Variants in NF1 observed in about 807,000 individuals in gnomAD.
NF1 encodes the protein neurofibromin 1, also known as neurofibromin.
Under a neutral mutation model 325.7 loss-of-function variants are expected in NF1, and 122 were observed. The observed-to-expected ratio is 0.37, with a 90% confidence interval of 0.32 to 0.44. The LOEUF (loss-of-function observed/expected upper bound fraction) is 0.44, where lower values mean the gene tolerates loss of function less well. Among genes scored for constraint, NF1 ranks in the 20% least tolerant of loss-of-function variants. NF1 has a pLI of 1.00. For missense variants in NF1, 2,140 were observed against 3,415.4 expected (o/e 0.63, Z 9.31); for synonymous variants, 1,091 against 1,186.0 (o/e 0.92, Z 1.65).
Position 31,210,148 on chromosome 17 carries a change from G to C in NF1, c.1392+3777G>C, listed in dbSNP as rs567601647. On this transcript the variant is annotated intron_variant, in intron 12 of 57. Coordinates refer to ENST00000358273, the MANE Select transcript of NF1 (RefSeq NM_001042492.3). ...GTTGTCCTTCTTCACTAGCAAGTTA[G>C]CTTGATGAAAGCAGTAGCTTTGTCT... Among the ~76,000 whole-genome samples the C allele has an allele frequency of 1.0e-3, 156 of 152,334 alleles. 3 individuals are homozygous for C. The South Asian group carries it at 0.03, about 29-fold the overall frequency.
At chr17:31,252,663 C>G in intron 30 of NF1, 1 of 410,492 alleles carries the variant, frequency 2.4e-6, no homozygotes, top group South Asian at 4.5e-5. Flanking sequence ...TCCTCAAATT[C>G]ACTTGGAGAG....
At chr17:31,258,630 T>C in intron 32 of NF1, 128 bp downstream of exon 32, 1 of 1,001,996 alleles carries the variant, frequency 1.0e-6, no homozygotes, top group Non-Finnish European at 1.5e-6. Context: ...TGCTTTTGTT[T>C]TATTTGTTTA....
rs2151601926 is a variant in NF1, at chr17:31,374,237, C to A, written c.*82C>A. 1 of 1,577,304 alleles carries A rather than the reference C, an allele frequency of 6.3e-7. No homozygotes were observed. The highest frequency in any genetic ancestry group is 8.7e-7 in the Non-Finnish European group (1 of 1,148,840). ...CCTTCCCTGTCCTTGCCCTTTCCCCCCATGTTGTAATGCTGCACTTCCTGT... is the reference window on the plus strand; with the variant it reads ...CCTTCCCTGTCCTTGCCCTTTCCCCACATGTTGTAATGCTGCACTTCCTGT... On this transcript the variant is annotated 3_prime_UTR_variant, in exon 58 of 58. Transcript: ENST00000358273.
chr17:31,316,062 G>T (rs1597815416), intron 36 of NF1, among the ~76,000 whole-genome samples: 1 of 152,042 alleles, frequency 6.6e-6, no homozygotes, highest in East Asian at 1.9e-4. Context: ...ATGCTCGCTG[G>T]CTGGCTTATT....
intron 1 of NF1, among the ~76,000 whole-genome samples, chr17:31,105,926 A>G (rs1267524324): frequency 6.6e-6 from 1 of 152,204 alleles, no homozygotes. Context: ...TAATTTAGTA[A>G]ATAGCAGGAC....
chr17:31,157,739 C>A (rs1272179500), intron 2 of NF1, among the ~76,000 whole-genome samples: 2 of 148,934 alleles, frequency 1.3e-5, no homozygotes, highest in Non-Finnish European at 3.0e-5. Flanking sequence ...ACGGGCGGAT[C>A]ACGAGGTCAG....
chr17:31,267,161 C>T (rs1477109452), intron 36 of NF1, among the ~76,000 whole-genome samples: 1 of 152,106 alleles, frequency 6.6e-6, no homozygotes, highest in African/African-American at 2.4e-5. Context: ...GAACTCCTGA[C>T]CTCAGGTGAT....
At chr17:31,285,895 A>T (rs982214819) in intron 36 of NF1, among the ~76,000 whole-genome samples, 1 of 152,256 alleles carries the variant, frequency 6.6e-6, no homozygotes, top group Admixed American at 6.5e-5. Context: ...TGTTTTCAGT[A>T]ACGATGGTAT....
intron 31 of NF1, among the ~76,000 whole-genome samples, chr17:31,254,727 T>C (rs1192021035): frequency 6.6e-6 from 1 of 152,170 alleles, no homozygotes; most frequent in Non-Finnish European, 1.5e-5. Context: ...TTTCTTGAAA[T>C]GTTTTTTTTT....
chr17:31,206,412 T>C (rs1339914797), intron 12 of NF1, 41 bp downstream of exon 12: 1 of 1,612,176 alleles, frequency 6.2e-7, no homozygotes. Context: ...CTCCTTTCTA[T>C]TGCATTTTTT....
chr17:31,286,202 C>G (rs953178925), intron 36 of NF1, among the ~76,000 whole-genome samples: 2 of 152,150 alleles, frequency 1.3e-5, no homozygotes, highest in African/African-American at 4.8e-5. Context: ...TCAAGTGATT[C>G]TCCTGCCTCA....
intron 36 of NF1, among the ~76,000 whole-genome samples, chr17:31,285,131 G>A (rs1350794505): frequency 6.6e-6 from 1 of 151,684 alleles, no homozygotes; most frequent in Non-Finnish European, 1.5e-5. Flanking sequence ...TAAATAAATA[G>A]CCAAGTGTGG....
intron 36 of NF1, among the ~76,000 whole-genome samples, chr17:31,288,637 A>G (rs1263395931): frequency 2.0e-5 from 3 of 151,460 alleles, no homozygotes; most frequent in Non-Finnish European, 2.9e-5. Context: ...CCCGGGTTCA[A>G]GCGATCCTCC....
chr17:31,142,115 T>A (rs1255239596), intron 1 of NF1, among the ~76,000 whole-genome samples: 1 of 152,220 alleles, frequency 6.6e-6, no homozygotes, highest in East Asian at 1.9e-4. Flanking sequence ...TAACCATTGT[T>A]CACAGAGTGC....
At chr17:31,302,704 G>A (rs937884290) in intron 36 of NF1, among the ~76,000 whole-genome samples, 16 of 152,124 alleles carry the variant, frequency 1.1e-4, no homozygotes, top group African/African-American at 3.6e-4. Flanking sequence ...AATTAGCCAG[G>A]CGTGGTGGTG....
intron 1 of NF1, among the ~76,000 whole-genome samples, chr17:31,152,053 C>T (rs912006417): frequency 7.9e-5 from 12 of 152,006 alleles, no homozygotes; most frequent in African/African-American, 2.7e-4. Flanking sequence ...CCACGACAGG[C>T]CCCGGTGTGT....
chr17:31,368,090 C>T (rs760564250), intron 57 of NF1, among the ~76,000 whole-genome samples: 1 of 152,144 alleles, frequency 6.6e-6, no homozygotes, highest in Non-Finnish European at 1.5e-5. Flanking sequence ...AAAGATTACA[C>T]CTAAACAGAA....
intron 1 of NF1, among the ~76,000 whole-genome samples, chr17:31,132,688 C>T (rs546414981): frequency 2.0e-5 from 3 of 152,050 alleles, no homozygotes; most frequent in South Asian, 2.1e-4. Context: ...TTTTTTGAGA[C>T]GGAGTTTCAC....
chr17:31,325,711 A>C lies in NF1; in HGVS notation c.4836-109A>C, dbSNP rs955452487. ...AATCCAGACTTTGAAGAATTGTTTT[A>C]TATTATTCTCTCTAGAAAATGAATC... On this transcript the variant is annotated intron_variant, in intron 36 of 57. Transcript: ENST00000358273. 6.9e-6 allele frequency: 6 copies of C among 868,962 alleles called. No individual in the cohort carries two copies. The African/African-American group carries it at 1.0e-4, about 15-fold the overall frequency. 53.8% of individuals were successfully genotyped at this position (868,962 alleles called of 1,614,324 possible).
Sources: gnomAD v4.1 joint callset for allele counts (sites outside exome capture counted in the v4.1 genomes callset) on GRCh38, gnomAD v4.1.1 for gene constraint, MANE v1.5 for transcripts, NCBI Gene and HGNC (gene_info 2026-07-23, HGNC 2026-07-21) for gene names.